Variants in AGAP1 observed in about 807,000 individuals in gnomAD.
AGAP1 encodes the protein ArfGAP with GTPase domain, ankyrin repeat and PH domain 1.
A neutral mutation model predicts 105.3 loss-of-function variants in AGAP1; 29 were observed. The ratio of observed to expected loss-of-function variants is 0.28; its 90% CI spans 0.21 to 0.38. AGAP1 has a LOEUF of 0.38. Among genes scored for constraint, AGAP1 ranks in the 10% least tolerant of loss-of-function variants. AGAP1 has a pLI of 1.00. For synonymous variants in AGAP1, 509 were observed against 485.9 expected (o/e 1.05, Z -0.63); for missense variants, 998 against 1,165.1 (o/e 0.86, Z 2.09).
In AGAP1 at chr2:235,655,684, C is replaced by T. The variant is rs1947748984; in HGVS notation, c.164-53495C>T. Reference sequence around the variant, plus strand: ...ACTGCGTTCCAGCGAAGCAGGTGCCCCGTGTGTTGCTCTGCAAGTCCACAT... The same window carrying T: ...ACTGCGTTCCAGCGAAGCAGGTGCCTCGTGTGTTGCTCTGCAAGTCCACAT... On this transcript the variant is annotated intron_variant, in intron 1 of 17. Coordinates refer to ENST00000304032, the MANE Select transcript of AGAP1 (RefSeq NM_001037131.3). The surrounding 1 kb of genome is among the most constrained non-coding windows in gnomAD (Gnocchi z 4.3). Among the ~76,000 whole-genome samples the T allele has an allele frequency of 6.6e-6, 1 of 152,168 alleles. No individual in the cohort carries two copies.
intron 6 of AGAP1, among the ~76,000 whole-genome samples, chr2:235,786,352 CCTGTATCATGAGGAGAATAG>C (rs2149976661): frequency 6.6e-6 from 1 of 152,294 alleles, no homozygotes; most frequent in South Asian, 2.1e-4. Context: ...CTTGTGTTAA[CCTGTATCATGAGGAGAATAG>C]CACAGTGACC....
In AGAP1 at chr2:235,566,088, TTTATTA is replaced by T. The variant is rs922030678; in HGVS notation, c.163+71254_163+71259del. ...CATCTTTCATTTGTCCATTCCTCGATTTATTATTATTATTATTATTTGAGGTGGAGT... is the reference window on the plus strand; with the variant it reads ...CATCTTTCATTTGTCCATTCCTCGATTTATTATTATTATTTGAGGTGGAGT... On this transcript the variant is annotated intron_variant, in intron 1 of 17. Transcript: ENST00000304032. This position sits in a 1 kb window ranked among gnomAD's most constrained non-coding sequence, Gnocchi z 5.2. Among the ~76,000 whole-genome samples, 7 of 151,700 alleles carry T rather than the reference TTTATTA, an allele frequency of 4.6e-5. No homozygotes were observed. Among genetic ancestry groups the T allele is most frequent in the African/African-American group, 1.7e-4 (7 of 41,312 alleles).
chr2:235,840,702 G>T (rs543390736), intron 9 of AGAP1, among the ~76,000 whole-genome samples: 1 of 152,242 alleles, frequency 6.6e-6, no homozygotes, highest in African/African-American at 2.4e-5. Context: ...GGAGGCTTTC[G>T]GAAAGTAGAA....
intron 9 of AGAP1, among the ~76,000 whole-genome samples, chr2:235,871,127 A>T (rs187367129): frequency 6.6e-6 from 1 of 152,312 alleles, no homozygotes; most frequent in Non-Finnish European, 1.5e-5. Flanking sequence ...TCATTCTGAG[A>T]TCACAGCTAC....
At chr2:235,760,523 C>T (rs1364697289) in intron 6 of AGAP1, among the ~76,000 whole-genome samples, 1 of 152,190 alleles carries the variant, frequency 6.6e-6, no homozygotes, top group African/African-American at 2.4e-5. Flanking sequence ...AATATTATTT[C>T]AATTATTTCA....
Position 236,062,498 on chromosome 2 carries a change from CAG to C in AGAP1, c.2114+13219_2114+13220del, listed in dbSNP as rs2058228847. On this transcript the variant is annotated intron_variant, in intron 16 of 17. Transcript: ENST00000304032. This position sits in a 1 kb window ranked among gnomAD's most constrained non-coding sequence, Gnocchi z 4.2. ...TATTTTCATGTATTTTTTTTAGAAA[CAG>C]AATCTCACTCTATCACACAGGCTTG... 6.6e-6 allele frequency among the ~76,000 whole-genome samples: 1 copy of C among 151,260 alleles called. No homozygotes were observed. The highest frequency in any genetic ancestry group is 2.1e-4 in the South Asian group (1 of 4,798).
chr2:235,660,070 C>T lies in AGAP1; in HGVS notation c.164-49109C>T, dbSNP rs539943013. 6.6e-6 allele frequency among the ~76,000 whole-genome samples: 1 copy of T among 152,330 alleles called. No homozygotes were observed. The highest frequency in any genetic ancestry group is 2.1e-4 in the South Asian group (1 of 4,824). ...CTGGCTTTTCCCAGGCAGTCACACT[C>T]TGGGATGCCCCCACCCCTCAGCACA... On this transcript the variant is annotated intron_variant, in intron 1 of 17. Coordinates refer to ENST00000304032, the MANE Select transcript of AGAP1 (RefSeq NM_001037131.3). The surrounding 1 kb of genome is among the most constrained non-coding windows in gnomAD (Gnocchi z 5.3).
rs1018345935 is a variant in AGAP1, at chr2:236,002,726, G to A, written c.1646-33835G>A. On this transcript the variant is annotated intron_variant, in intron 13 of 17. Coordinates refer to ENST00000304032, the MANE Select transcript of AGAP1 (RefSeq NM_001037131.3). This position sits in a 1 kb window ranked among gnomAD's most constrained non-coding sequence, Gnocchi z 4.3. ...GACTGTGAGAGTCCCCCTGAAAAGCGAGATTTCATAGAAGTATTGAATTTT... is the reference window on the plus strand; with the variant it reads ...GACTGTGAGAGTCCCCCTGAAAAGCAAGATTTCATAGAAGTATTGAATTTT... Among the ~76,000 whole-genome samples, 2 of 152,120 alleles carry A rather than the reference G, an allele frequency of 1.3e-5. No individual in the cohort carries two copies. The highest frequency in any genetic ancestry group is 1.9e-4 in the East Asian group (1 of 5,184).
At position 235,981,836 on chromosome 2, in the gene AGAP1, G is replaced by A. The variant is rs2055111360; in HGVS notation, c.1645+13213G>A. ...CCAGGCGAGGGCAGCAGTGCTCGCCGCCTCTAACACATCTCCACGGTGACC... is the reference window on the plus strand; with the variant it reads ...CCAGGCGAGGGCAGCAGTGCTCGCCACCTCTAACACATCTCCACGGTGACC... On this transcript the variant is annotated intron_variant, in intron 13 of 17. Transcript: ENST00000304032. This position sits in a 1 kb window ranked among gnomAD's most constrained non-coding sequence, Gnocchi z 5.5. Among the ~76,000 whole-genome samples, 2 of 152,182 alleles carry A rather than the reference G, an allele frequency of 1.3e-5. No individual in the cohort carries two copies. The highest frequency in any genetic ancestry group is 4.8e-5 in the African/African-American group (2 of 41,446).
At position 236,005,629 on chromosome 2, in the gene AGAP1, G is replaced by C. The variant is rs2056296713; in HGVS notation, c.1646-30932G>C. On this transcript the variant is annotated intron_variant, in intron 13 of 17. Coordinates refer to ENST00000304032, the MANE Select transcript of AGAP1 (RefSeq NM_001037131.3). This position sits in a 1 kb window ranked among gnomAD's most constrained non-coding sequence, Gnocchi z 4.1. The stretch of plus-strand genomic sequence containing the variant: ...TGCCTCCTTAGCCTTCTCTTGGCTG[G>C]GACATTTTCTCAGACTTTTCCTGTC... Among the ~76,000 whole-genome samples the C allele has an allele frequency of 6.6e-6, 1 of 152,134 alleles. No individual in the cohort carries two copies. Among genetic ancestry groups the C allele is most frequent in the Admixed American group, 6.6e-5 (1 of 15,262 alleles).
chr2:235,809,211 G>A (rs548172352), intron 9 of AGAP1, among the ~76,000 whole-genome samples: 1 of 152,098 alleles, frequency 6.6e-6, no homozygotes, highest in Non-Finnish European at 1.5e-5. Flanking sequence ...CTGCTCATCT[G>A]TGGAGGGGGC....
chr2:235,931,514 G>A lies in AGAP1; in HGVS notation c.1483+591G>A, dbSNP rs933373264. On this transcript the variant is annotated intron_variant, in intron 12 of 17. Coordinates refer to ENST00000304032, the MANE Select transcript of AGAP1 (RefSeq NM_001037131.3). The surrounding 1 kb of genome is among the most constrained non-coding windows in gnomAD (Gnocchi z 5.6). ...CATGCACGTTGGAAACGATCTCGCC[G>A]TCTGTGTGGAGCGTGAATGACGCAG... Among the ~76,000 whole-genome samples the A allele has an allele frequency of 5.3e-5, 8 of 151,962 alleles. No homozygotes were observed. Among genetic ancestry groups the A allele is most frequent in the Admixed American group, 3.9e-4 (6 of 15,272 alleles).
chr2:235,803,025 ATGGTTGTGATGGTGATGATGGTTG>A (rs1957631537), intron 8 of AGAP1, among the ~76,000 whole-genome samples: 1 of 36,252 alleles, frequency 2.8e-5, no homozygotes, highest in Admixed American at 2.6e-4. Flanking sequence ...GATGGTGGTG[ATGGTTGTGATGGTGATGATGGTTG>A]TGGTGATGGT....
chr2:235,893,496 T>C lies in AGAP1; in HGVS notation c.1155+10047T>C, dbSNP rs949044948. Among the ~76,000 whole-genome samples, 9 of 149,670 alleles carry C rather than the reference T, an allele frequency of 6.0e-5. No homozygotes were observed. The highest frequency in any genetic ancestry group is 1.3e-4 in the Non-Finnish European group (9 of 67,222). ...TGTCCATCATAAGGGTGAGCCATGT[T>C]TGTGGCGTGGGTGTGGCATGTCCAC... On this transcript the variant is annotated intron_variant, in intron 10 of 17. Transcript: ENST00000304032. The surrounding 1 kb of genome is among the most constrained non-coding windows in gnomAD (Gnocchi z 4.7).
Position 235,958,264 on chromosome 2 carries a change from G to A in AGAP1, c.1484-10198G>A, listed in dbSNP as rs1175234441. ...AGGGAGAGTGGTTGGAGGTGTTTCT[G>A]GAGGGCCCTGTACTCCCTGAAATCC... On this transcript the variant is annotated intron_variant, in intron 12 of 17. Transcript: ENST00000304032. The surrounding 1 kb of genome is among the most constrained non-coding windows in gnomAD (Gnocchi z 4.1). Among the ~76,000 whole-genome samples, 1 of 152,044 alleles carries A rather than the reference G, an allele frequency of 6.6e-6. No homozygotes were observed. The highest frequency in any genetic ancestry group is 1.5e-5 in the Non-Finnish European group (1 of 68,022).
chr2:235,820,245 A>G (rs1046459840), intron 9 of AGAP1, among the ~76,000 whole-genome samples: 3 of 152,194 alleles, frequency 2.0e-5, no homozygotes, highest in Non-Finnish European at 4.4e-5. Context: ...AGAATATGTT[A>G]TATTGGAGAA....
chr2:235,504,989 G>T (rs1941733612), intron 1 of AGAP1, among the ~76,000 whole-genome samples: 1 of 152,140 alleles, frequency 6.6e-6, no homozygotes, highest in East Asian at 1.9e-4. Context: ...TGGAACAGGG[G>T]CCCCTTTGGC....
Position 236,036,410 on chromosome 2 carries a change from A to C in AGAP1, c.1646-151A>C. ...GGACTGTTGGGAGGTGCATGGATTC[A>C]AATCTCCGCCGCCGTGGTTGTCCAG... On this transcript the variant is annotated intron_variant, in intron 13 of 17. Transcript: ENST00000304032. This position sits in a 1 kb window ranked among gnomAD's most constrained non-coding sequence, Gnocchi z 5.7. 2 of 1,045,950 alleles carry C rather than the reference A, an allele frequency of 1.9e-6. No individual in the cohort carries two copies. Among genetic ancestry groups the C allele is most frequent in the East Asian group, 2.5e-5 (1 of 40,662 alleles). The allele number at this position is 1,045,950 out of a possible 1,614,324, so 64.8% of individuals were successfully genotyped here.
chr2:235,911,228 G>A (rs2051594690), intron 11 of AGAP1, among the ~76,000 whole-genome samples: 1 of 152,148 alleles, frequency 6.6e-6, no homozygotes, highest in Admixed American at 6.5e-5. Flanking sequence ...GTGTGCCTGA[G>A]TCACAGTTCC....
Sources: gnomAD v4.1 joint callset for allele counts (sites outside exome capture counted in the v4.1 genomes callset) on GRCh38, gnomAD v4.1.1 for gene constraint, Gnocchi (gnomAD v3.1) non-coding constraint, MANE v1.5 for transcripts, NCBI Gene and HGNC (gene_info 2026-07-23, HGNC 2026-07-21) for gene names.